Variants in SPIRE1 observed in about 807,000 individuals in gnomAD.
SPIRE1 encodes spire type actin nucleation factor 1, also known as protein spire homolog 1.
SPIRE1 carries 40 observed loss-of-function variants against 94.1 expected under a neutral mutation model. The ratio of observed to expected loss-of-function variants is 0.43; its 90% CI spans 0.33 to 0.55. The LOEUF (loss-of-function observed/expected upper bound fraction) is 0.55, where lower values mean the gene tolerates loss of function less well. SPIRE1 is among the 20% of genes least tolerant of loss of function. The pLI is 0.06. For missense variants in SPIRE1, 838 were observed against 975.2 expected (o/e 0.86, Z 1.87); for synonymous variants, 376 against 371.7 (o/e 1.01, Z -0.13).
intron 4 of SPIRE1, among the ~76,000 whole-genome samples, chr18:12,517,991 T>C (rs1238630184): frequency 6.6e-6 from 1 of 152,218 alleles, no homozygotes; most frequent in Non-Finnish European, 1.5e-5. Flanking sequence ...ATAAGGAATA[T>C]ATTTCAAAAA....
intron 2 of SPIRE1, among the ~76,000 whole-genome samples, chr18:12,615,192 G>T (rs2037250939): frequency 6.7e-6 from 1 of 150,248 alleles, no homozygotes; most frequent in Non-Finnish European, 1.5e-5. Flanking sequence ...GCTGGGCGTG[G>T]TGGCACACAC....
chr18:12,501,072 CAAAAAA>C (rs67894900), intron 6 of SPIRE1, among the ~76,000 whole-genome samples: 65 of 80,260 alleles, frequency 8.1e-4, no homozygotes, highest in Admixed American at 1.5e-3. Flanking sequence ...AACTCTGTCT[CAAAAAA>C]AAAAAAAAAA....
chr18:12,554,707 G>A (rs189250668), intron 2 of SPIRE1, among the ~76,000 whole-genome samples: 1 of 152,246 alleles, frequency 6.6e-6, no homozygotes, highest in African/African-American at 2.4e-5. Flanking sequence ...CTACAGGCCA[G>A]TATCACTGAT....
intron 12 of SPIRE1, among the ~76,000 whole-genome samples, chr18:12,459,331 G>A (rs1335814791): frequency 5.3e-5 from 8 of 152,198 alleles, no homozygotes. Context: ...CTGTGGGTGG[G>A]CGGAGTCCAC....
intron 16 of SPIRE1, chr18:12,450,974 A>G: frequency 3.3e-6 from 2 of 614,140 alleles, no homozygotes; most frequent in Non-Finnish European, 6.0e-6. Context: ...AGTTGCCCAG[A>G]AAAAGGTGGA....
intron 6 of SPIRE1, among the ~76,000 whole-genome samples, chr18:12,502,522 G>A (rs370710655): frequency 7.2e-5 from 11 of 152,184 alleles, no homozygotes; most frequent in East Asian, 5.8e-4. Context: ...CAATAGGAAC[G>A]GTCTTGCAAA....
chr18:12,658,100 T>G lies in SPIRE1; in HGVS notation c.-234A>C, dbSNP rs2038611930. The G allele has an allele frequency of 2.1e-6, 2 of 960,726 alleles. No homozygotes were observed. The highest frequency in any genetic ancestry group is 2.5e-6 in the Non-Finnish European group (2 of 809,260). 59.5% of individuals were successfully genotyped at this position (960,726 alleles called of 1,614,324 possible). ...CAGCCGCCGGCCGGTAGCGACGCGA[T>G]GGCGTCCGGCGCCCCGCCCCGCCCC... On this transcript the variant is annotated 5_prime_UTR_variant, in exon 1 of 17. Coordinates refer to ENST00000409402, the MANE Select transcript of SPIRE1 (RefSeq NM_001128626.2).
At chr18:12,469,848 C>T (rs1260668305) in intron 10 of SPIRE1, among the ~76,000 whole-genome samples, 3 of 150,420 alleles carry the variant, frequency 2.0e-5, no homozygotes, top group Non-Finnish European at 4.4e-5. Context: ...TAGATTTTGG[C>T]ACTCAGAGGG....
At chr18:12,508,314 G>T (rs1352110847) in intron 5 of SPIRE1, among the ~76,000 whole-genome samples, 3 of 152,122 alleles carry the variant, frequency 2.0e-5, no homozygotes, top group African/African-American at 7.2e-5. Context: ...GTTGGGTTTG[G>T]ACAATAAGAA....
At chr18:12,563,739 C>T (rs912785443) in intron 2 of SPIRE1, among the ~76,000 whole-genome samples, 2 of 151,756 alleles carry the variant, frequency 1.3e-5, no homozygotes, top group Non-Finnish European at 2.9e-5. Context: ...TGTTACCACT[C>T]AAAATAGAAC....
intron 12 of SPIRE1, among the ~76,000 whole-genome samples, chr18:12,456,137 T>TTA (rs1171651813): frequency 6.6e-6 from 1 of 152,200 alleles, no homozygotes; most frequent in Non-Finnish European, 1.5e-5. Context: ...CTCAGAAAGA[T>TTA]TATATCATTT....
intron 3 of SPIRE1, among the ~76,000 whole-genome samples, chr18:12,544,587 C>T (rs1785679): frequency 1.5e-3 from 224 of 151,854 alleles, no homozygotes; most frequent in African/African-American, 4.9e-3. Context: ...TCAAGTGATC[C>T]TCCCACCTGG....
At chr18:12,533,932 T>TACACACACAC (rs10658152) in intron 4 of SPIRE1, among the ~76,000 whole-genome samples, 1,634 of 144,480 alleles carry the variant, frequency 0.011, 30 homozygotes, top group African/African-American at 0.036. Flanking sequence ...GCTAATCCAT[T>TACACACACAC]ACACACACAC....
In SPIRE1 at chr18:12,598,237, A is replaced by C. The variant is rs1240642689; in HGVS notation, c.372+36825T>G. 2.0e-5 allele frequency among the ~76,000 whole-genome samples: 3 copies of C among 152,226 alleles called. No homozygotes were observed. In the East Asian group the frequency reaches 5.8e-4, roughly 29 times the overall value. On this transcript the variant is annotated intron_variant, in intron 2 of 16. Transcript: ENST00000409402. ...TATCTCAAATCTAAAATTCTTTTTGAATTCTGTCAGAAGAAATGATTCTTT... is the reference window on the plus strand; with the variant it reads ...TATCTCAAATCTAAAATTCTTTTTGCATTCTGTCAGAAGAAATGATTCTTT...
At chr18:12,601,314 T>G (rs559424166) in intron 2 of SPIRE1, among the ~76,000 whole-genome samples, 1 of 151,056 alleles carries the variant, frequency 6.6e-6, no homozygotes, top group Non-Finnish European at 1.5e-5. Context: ...TCCCAGCTAC[T>G]TGGGAGGCTG....
intron 2 of SPIRE1, among the ~76,000 whole-genome samples, chr18:12,598,577 T>C (rs1407659444): frequency 6.6e-6 from 1 of 152,174 alleles, no homozygotes; most frequent in Non-Finnish European, 1.5e-5. Context: ...TCTCGAGACT[T>C]TTCTAACAGG....
intron 2 of SPIRE1, among the ~76,000 whole-genome samples, chr18:12,596,803 A>C (rs547078999): frequency 2.6e-5 from 4 of 152,148 alleles, no homozygotes; most frequent in Non-Finnish European, 4.4e-5. Context: ...TGACATTTGT[A>C]ATTTACCTTA....
chr18:12,506,314 C>G, intron 6 of SPIRE1, among the ~76,000 whole-genome samples, 163 bp downstream of exon 6: 1 of 152,144 alleles, frequency 6.6e-6, no homozygotes, highest in East Asian at 1.9e-4. Flanking sequence ...TGCACCACCA[C>G]GCCCAACTAA....
intron 4 of SPIRE1, among the ~76,000 whole-genome samples, chr18:12,526,103 C>G (rs2034518630): frequency 2.8e-5 from 1 of 36,340 alleles, no homozygotes; most frequent in African/African-American, 1.0e-4. Flanking sequence ...AGAGATGTAT[C>G]TGATGCCTGC....
Sources: gnomAD v4.1 joint callset for allele counts (sites outside exome capture counted in the v4.1 genomes callset) on GRCh38, gnomAD v4.1.1 for gene constraint, MANE v1.5 for transcripts, NCBI Gene and HGNC (gene_info 2026-07-23, HGNC 2026-07-21) for gene names.